Variants in PRKG1 observed in about 807,000 individuals in gnomAD.
The protein encoded by PRKG1 is protein kinase cGMP-dependent 1, also known as cGMP-dependent protein kinase 1.
Under a neutral mutation model 88.1 loss-of-function variants are expected in PRKG1, and 35 were observed. The ratio of observed to expected loss-of-function variants is 0.40; its 90% CI spans 0.30 to 0.53. PRKG1 has a LOEUF of 0.53. Ranked by LOEUF, PRKG1 falls within the 20% of genes least tolerant of loss-of-function variation. The pLI is 0.59. For missense variants in PRKG1, 540 were observed against 839.8 expected, an observed-to-expected ratio of 0.64 and a Z score of 4.41; for synonymous variants, 303 against 292.5, an observed-to-expected ratio of 1.04 and a Z score of -0.37.
chr10:52,138,018 G>A (rs1235507920), intron 8 of PRKG1, among the ~76,000 whole-genome samples: 1 of 151,962 alleles, frequency 6.6e-6, no homozygotes, highest in African/African-American at 2.4e-5. Context: ...TTTTTCCCCA[G>A]GAAATTAAGA....
chr10:51,857,171 T>C (rs1307924070), intron 4 of PRKG1, among the ~76,000 whole-genome samples: 1 of 152,118 alleles, frequency 6.6e-6, no homozygotes, highest in African/African-American at 2.4e-5. Context: ...TGAAGTTGAT[T>C]TGTTTCTTTA....
chr10:51,304,491 T>G (rs937215619), intron 2 of PRKG1, among the ~76,000 whole-genome samples: 2 of 151,966 alleles, frequency 1.3e-5, no homozygotes, highest in Non-Finnish European at 2.9e-5. Context: ...TTTTATTTTA[T>G]TATTATTATA....
intron 3 of PRKG1, among the ~76,000 whole-genome samples, chr10:51,499,584 G>T (rs1344622811): frequency 6.6e-6 from 1 of 151,882 alleles, no homozygotes; most frequent in East Asian, 1.9e-4. Context: ...GTGAAAATAG[G>T]CAACAAAAAA....
chr10:51,449,815 G>A (rs930387328), intron 2 of PRKG1, among the ~76,000 whole-genome samples: 1 of 151,012 alleles, frequency 6.6e-6, no homozygotes, highest in African/African-American at 2.4e-5. Flanking sequence ...TACCTGTCTG[G>A]AAGTAGAATG....
chr10:51,859,232 A>G (rs1840803270), intron 4 of PRKG1, among the ~76,000 whole-genome samples: 1 of 152,224 alleles, frequency 6.6e-6, no homozygotes, highest in Non-Finnish European at 1.5e-5. Flanking sequence ...AAAGACTCAG[A>G]TTCTGCATAG....
intron 5 of PRKG1, among the ~76,000 whole-genome samples, chr10:52,011,495 G>C (rs1375586808): frequency 3.3e-5 from 5 of 151,998 alleles, no homozygotes; most frequent in Non-Finnish European, 5.9e-5. Context: ...GTCCTATCTA[G>C]AGCCTCAAGA....
chr10:51,484,623 A>G (rs1258175228), intron 3 of PRKG1, among the ~76,000 whole-genome samples: 1 of 152,198 alleles, frequency 6.6e-6, no homozygotes, highest in East Asian at 1.9e-4. Flanking sequence ...CTCTGTTTCA[A>G]TCAAAGTTTT....
intron 3 of PRKG1, among the ~76,000 whole-genome samples, chr10:51,690,195 A>T (rs1370280150): frequency 6.6e-6 from 1 of 152,132 alleles, no homozygotes; most frequent in East Asian, 1.9e-4. Context: ...ACTCACTAAT[A>T]AGAGGACAGT....
chr10:51,969,996 C>T (rs959563917), intron 5 of PRKG1, among the ~76,000 whole-genome samples: 3 of 122,096 alleles, frequency 2.5e-5, no homozygotes, highest in Non-Finnish European at 3.5e-5. Flanking sequence ...TGCCCATTCT[C>T]TTCATACACA....
At chr10:51,009,202 G>A (rs975182728) in intron 1 of PRKG1, among the ~76,000 whole-genome samples, 1 of 151,822 alleles carries the variant, frequency 6.6e-6, no homozygotes, top group Non-Finnish European at 1.5e-5. Context: ...GTTTCTTTAG[G>A]GTTACAAAGA....
intron 10 of PRKG1, among the ~76,000 whole-genome samples, chr10:52,266,308 C>G (rs1841568472): frequency 6.6e-6 from 1 of 151,748 alleles, no homozygotes; most frequent in Non-Finnish European, 1.5e-5. Flanking sequence ...CACCTATCAA[C>G]CCATCGCCTG....
chr10:52,061,720 T>G (rs1197156120), intron 6 of PRKG1, among the ~76,000 whole-genome samples: 3 of 152,120 alleles, frequency 2.0e-5, no homozygotes, highest in Non-Finnish European at 2.9e-5. Flanking sequence ...GGGCATTTTA[T>G]TTATTATAGT....
At chr10:51,022,824 G>T (rs1334286277) in intron 1 of PRKG1, among the ~76,000 whole-genome samples, 1 of 152,004 alleles carries the variant, frequency 6.6e-6, no homozygotes, top group Non-Finnish European at 1.5e-5. Flanking sequence ...GATAAATTAA[G>T]ACTTAAAAGC....
intron 6 of PRKG1, among the ~76,000 whole-genome samples, chr10:52,057,188 C>G (rs1188938341): frequency 6.6e-6 from 1 of 152,198 alleles, no homozygotes; most frequent in African/African-American, 2.4e-5. Flanking sequence ...TGAAATTCCC[C>G]TTGTTCAGTT....
chr10:52,284,219 A>G (rs777694544), intron 14 of PRKG1, among the ~76,000 whole-genome samples: 6 of 152,064 alleles, frequency 3.9e-5, no homozygotes, highest in Admixed American at 2.0e-4. Context: ...TTTTCTAAAT[A>G]ACCTCAAGGA....
intron 2 of PRKG1, among the ~76,000 whole-genome samples, chr10:51,207,677 C>T (rs74133538): frequency 0.035 from 5,251 of 152,094 alleles, 298 homozygotes; most frequent in African/African-American, 0.12. Flanking sequence ...ATGATCCAAA[C>T]GTTCCTTTAG....
chr10:52,259,840 A>C (rs1841391606), intron 10 of PRKG1, among the ~76,000 whole-genome samples: 1 of 152,096 alleles, frequency 6.6e-6, no homozygotes, highest in Non-Finnish European at 1.5e-5. Context: ...CCCTGAAGTA[A>C]ACTGGCATAG....
intron 16 of PRKG1, 99 bp from the exon 17 acceptor site, chr10:52,290,125 G>A (rs757878115): frequency 4.7e-6 from 4 of 857,340 alleles, no homozygotes; most frequent in Non-Finnish European, 7.1e-6. Flanking sequence ...GAAAATGTTT[G>A]CCTAACTGCT....
At chr10:51,150,616 T>A (rs183878335) in intron 1 of PRKG1, among the ~76,000 whole-genome samples, 1 of 152,120 alleles carries the variant, frequency 6.6e-6, no homozygotes, top group Non-Finnish European at 1.5e-5. Flanking sequence ...GTATAAATAG[T>A]AAGATGTGGT....
Sources: gnomAD v4.1 joint callset for allele counts (sites outside exome capture counted in the v4.1 genomes callset) on GRCh38, gnomAD v4.1.1 for gene constraint, MANE v1.5 for transcripts, NCBI Gene and HGNC (gene_info 2026-07-23, HGNC 2026-07-21) for gene names.